CEP128: variants seen among roughly 807,000 people sequenced by gnomAD.
The protein encoded by CEP128 is centrosomal protein 128kDa.
CEP128 carries 132 observed loss-of-function variants against 156.7 expected under a neutral mutation model. The observed-to-expected ratio is 0.84, with a 90% CI of 0.73 to 0.97. The LOEUF is 0.97. Among genes scored for constraint, CEP128 ranks in the 50% least tolerant of loss-of-function variants. The pLI is 0.00. For synonymous variants in CEP128, 469 were observed against 448.9 expected, an observed-to-expected ratio of 1.04 and a Z score of -0.57; for missense variants, 1,252 against 1,281.9, an observed-to-expected ratio of 0.98 and a Z score of 0.36.
At chr14:80,571,433 T>C (rs1443014581) in intron 20 of CEP128, among the ~76,000 whole-genome samples, 1 of 152,204 alleles carries the variant, frequency 6.6e-6, no homozygotes, top group Non-Finnish European at 1.5e-5. Context: ...TTTATTAACA[T>C]GCTAATAAGC....
intron 21 of CEP128, among the ~76,000 whole-genome samples, chr14:80,545,519 T>C (rs996413250): frequency 1.3e-5 from 2 of 152,194 alleles, no homozygotes; most frequent in African/African-American, 4.8e-5. Flanking sequence ...ATAAGAGAAT[T>C]GGTCATTTGG....
intron 2 of CEP128, among the ~76,000 whole-genome samples, chr14:80,923,605 T>C (rs1214367544): frequency 6.6e-6 from 1 of 152,218 alleles, no homozygotes; most frequent in Non-Finnish European, 1.5e-5. Flanking sequence ...ATTGCTTCTG[T>C]GGCCTCCAAG....
chr14:80,944,213 T>C (rs1886272213), upstream of CEP128, among the ~76,000 whole-genome samples: 1 of 152,126 alleles, frequency 6.6e-6, no homozygotes, highest in African/African-American at 2.4e-5. Flanking sequence ...CAGAATCATC[T>C]GAGCTTAGAT....
At chr14:80,720,422 A>C (rs576852375) in intron 19 of CEP128, among the ~76,000 whole-genome samples, 21 of 152,304 alleles carry the variant, frequency 1.4e-4, no homozygotes, top group African/African-American at 5.1e-4. Context: ...AATGTGGATA[A>C]GGAGATATTG....
chr14:80,506,427 A>G (rs1032490028), intron 23 of CEP128, among the ~76,000 whole-genome samples: 3 of 150,308 alleles, frequency 2.0e-5, no homozygotes, highest in Admixed American at 2.0e-4. Flanking sequence ...TTTTTTTCAA[A>G]GATCACTTGG....
intron 20 of CEP128, among the ~76,000 whole-genome samples, chr14:80,564,968 A>G (rs1448862200): frequency 6.6e-6 from 1 of 152,168 alleles, no homozygotes; most frequent in Admixed American, 6.5e-5. Context: ...CTGAGGCAGG[A>G]GAATCCCTTG....
chr14:80,880,899 A>ATT lies in CEP128; in HGVS notation c.645+14818_645+14819insAA, dbSNP rs1595539636. Among the ~76,000 whole-genome samples the ATT allele has an allele frequency of 2.8e-5, 4 of 141,002 alleles. No individual in the cohort carries two copies. In the East Asian group the frequency reaches 8.4e-4, roughly 30 times the overall value. The allele number at this position is 141,002 out of a possible 152,430, so 92.5% of individuals were successfully genotyped here. A position where few individuals can be genotyped will look rare whatever the true frequency, so the allele number is the denominator to read the frequency against. ...TAATAATAATAATAATAATAATAAT[A>ATT]ATAATAATAATTTCAGTAAAGGATA... On this transcript the variant is annotated intron_variant, in intron 8 of 24. Coordinates refer to ENST00000555265, the MANE Select transcript of CEP128 (RefSeq NM_152446.5).
intron 2 of CEP128, among the ~76,000 whole-genome samples, chr14:80,917,942 C>A (rs1296688395): frequency 6.6e-6 from 1 of 152,040 alleles, no homozygotes; most frequent in Admixed American, 6.6e-5. Flanking sequence ...AATGAAATAG[C>A]CAACTTCTTC....
chr14:80,831,046 T>C, intron 13 of CEP128, 97 bp downstream of exon 13: 1 of 1,062,468 alleles, frequency 9.4e-7, no homozygotes. Flanking sequence ...ACACTGGAGT[T>C]CATAAAATAA....
chr14:80,529,755 T>C (rs368142338), intron 22 of CEP128, among the ~76,000 whole-genome samples: 37 of 152,362 alleles, frequency 2.4e-4, no homozygotes, highest in African/African-American at 8.7e-4. Flanking sequence ...AATTCTTTGA[T>C]AGATATTTAA....
intron 17 of CEP128, among the ~76,000 whole-genome samples, chr14:80,757,523 T>G (rs753238407): frequency 2.0e-5 from 3 of 152,244 alleles, no homozygotes; most frequent in Non-Finnish European, 4.4e-5. Context: ...GCCAACTCAT[T>G]TATAAAATCC....
At chr14:80,792,737 C>A in intron 14 of CEP128, 23 bp downstream of exon 14, 1 of 1,590,600 alleles carries the variant, frequency 6.3e-7, no homozygotes, top group Non-Finnish European at 8.6e-7. Flanking sequence ...GAAAACCGTT[C>A]CTTAGGAATG....
chr14:80,590,685 AC>A (rs1238043449), intron 19 of CEP128, among the ~76,000 whole-genome samples: 1 of 152,136 alleles, frequency 6.6e-6, no homozygotes, highest in East Asian at 1.9e-4. Context: ...AAATACAGGT[AC>A]ATACAATAGA....
At chr14:80,619,716 A>C (rs1893394946) in intron 19 of CEP128, among the ~76,000 whole-genome samples, 1 of 151,808 alleles carries the variant, frequency 6.6e-6, no homozygotes, top group African/African-American at 2.4e-5. Flanking sequence ...TTAAAAAAAA[A>C]AAAAAAAGAA....
chr14:80,780,392 T>C (rs907136614), intron 15 of CEP128, among the ~76,000 whole-genome samples: 1 of 152,098 alleles, frequency 6.6e-6, no homozygotes, highest in Non-Finnish European at 1.5e-5. Context: ...GAAGTGGTGA[T>C]TTTTCCTTAA....
intron 23 of CEP128, among the ~76,000 whole-genome samples, chr14:80,516,143 C>A (rs1455744718): frequency 6.6e-6 from 1 of 152,168 alleles, no homozygotes; most frequent in East Asian, 1.9e-4. Flanking sequence ...GCTGGGATTA[C>A]AGGTGTGCAA....
intron 21 of CEP128, among the ~76,000 whole-genome samples, chr14:80,554,920 T>C (rs1053853858): frequency 1.4e-4 from 21 of 152,104 alleles, no homozygotes; most frequent in African/African-American, 5.1e-4. Flanking sequence ...GATTTTGCTC[T>C]TTCCGAAAGA....
At chr14:80,565,205 T>C (rs951967291) in intron 20 of CEP128, among the ~76,000 whole-genome samples, 4 of 152,170 alleles carry the variant, frequency 2.6e-5, no homozygotes, top group Admixed American at 2.0e-4. Context: ...TTGCAGACCC[T>C]GCACTGGATG....
intron 19 of CEP128, among the ~76,000 whole-genome samples, chr14:80,600,166 G>A (rs2140526326): frequency 6.6e-6 from 1 of 152,272 alleles, no homozygotes; most frequent in African/African-American, 2.4e-5. Flanking sequence ...CTCCCATAAG[G>A]AGAGGAAAAA....
Sources: gnomAD v4.1 joint callset for allele counts (sites outside exome capture counted in the v4.1 genomes callset) on GRCh38, gnomAD v4.1.1 for gene constraint, MANE v1.5 for transcripts, NCBI Gene and HGNC (gene_info 2026-07-23, HGNC 2026-07-21) for gene names.